PTK2: variants seen among roughly 807,000 people sequenced by gnomAD.
PTK2 encodes focal adhesion kinase 1.
A neutral mutation model predicts 150.1 loss-of-function variants in PTK2; 45 were observed. The ratio of observed to expected loss-of-function variants is 0.30; its 90% CI spans 0.24 to 0.38. The LOEUF (loss-of-function observed/expected upper bound fraction) is 0.38, where lower values mean the gene tolerates loss of function less well. Ranked by LOEUF, PTK2 falls within the 10% of genes least tolerant of loss-of-function variation. The pLI is 1.00. For missense variants in PTK2, 919 were observed against 1,307.3 expected, an observed-to-expected ratio of 0.70 and a Z score of 4.58; for synonymous variants, 432 against 449.2, an observed-to-expected ratio of 0.96 and a Z score of 0.48.
At chr8:140,749,645 T>C (rs1369936183) in intron 17 of PTK2, among the ~76,000 whole-genome samples, 1 of 152,214 alleles carries the variant, frequency 6.6e-6, no homozygotes, top group Non-Finnish European at 1.5e-5. Context: ...GCTGAATACT[T>C]GGGACAGGGG....
chr8:140,872,083 T>G (rs1337630849), intron 4 of PTK2, among the ~76,000 whole-genome samples: 2 of 152,142 alleles, frequency 1.3e-5, no homozygotes, highest in Admixed American at 1.3e-4. Flanking sequence ...GGCGTAAGGA[T>G]GTAGTCCCAG....
chr8:140,794,981 G>A (rs1398886639), intron 12 of PTK2, among the ~76,000 whole-genome samples: 1 of 152,106 alleles, frequency 6.6e-6, no homozygotes, highest in African/African-American at 2.4e-5. Context: ...TGTTCAGGTG[G>A]AACCAGCAGT....
At chr8:140,764,635 T>C (rs2100071352) in intron 14 of PTK2, 1 of 370,274 alleles carries the variant, frequency 2.7e-6, no homozygotes, top group Non-Finnish European at 4.8e-6. Flanking sequence ...CAAATACATG[T>C]TTAAAACTAC....
At chr8:140,740,698 T>C (rs914419456) in intron 20 of PTK2, among the ~76,000 whole-genome samples, 1 of 152,256 alleles carries the variant, frequency 6.6e-6, no homozygotes, top group Non-Finnish European at 1.5e-5. Context: ...ATTGGAATTC[T>C]AGGACTTGGG....
intron 16 of PTK2, among the ~76,000 whole-genome samples, chr8:140,756,995 A>G (rs1036715825): frequency 6.6e-6 from 1 of 152,152 alleles, no homozygotes; most frequent in Non-Finnish European, 1.5e-5. Flanking sequence ...TCTCAAAAAA[A>G]AAAAAAGAAA....
At position 140,832,638 on chromosome 8, in the gene PTK2, T is replaced by G. The variant is rs180989094; in HGVS notation, c.594-2112A>C. ...CATGGCCTGACCTGAGGTTTGCTGGTGGACAGGAGAAGCGGTGAGAAGTGG... is the reference window on the plus strand; with the variant it reads ...CATGGCCTGACCTGAGGTTTGCTGGGGGACAGGAGAAGCGGTGAGAAGTGG... On this transcript the variant is annotated intron_variant, in intron 7 of 31. Transcript: ENST00000522684. Among the ~76,000 whole-genome samples the G allele has an allele frequency of 1.2e-3, 179 of 151,986 alleles. No individual in the cohort carries two copies. In the Middle Eastern group the frequency reaches 0.027, roughly 23 times the overall value.
At chr8:140,697,741 T>C (rs1041617323) in intron 26 of PTK2, among the ~76,000 whole-genome samples, 11 of 152,118 alleles carry the variant, frequency 7.2e-5, no homozygotes. Context: ...ATCATTCATA[T>C]ATATTTCTGT....
intron 10 of PTK2, among the ~76,000 whole-genome samples, chr8:140,815,152 C>T (rs1006082722): frequency 1.3e-5 from 2 of 151,818 alleles, no homozygotes; most frequent in Admixed American, 6.6e-5. Context: ...ATGGAATCAA[C>T]CTAAATGCCC....
At chr8:140,681,103 G>A (rs989212082) in intron 27 of PTK2, among the ~76,000 whole-genome samples, 3 of 152,136 alleles carry the variant, frequency 2.0e-5, no homozygotes, top group Non-Finnish European at 2.9e-5. Flanking sequence ...GGTTGCTCAC[G>A]CCTGTAATCC....
At chr8:140,720,736 G>A (rs1647056340) in intron 22 of PTK2, among the ~76,000 whole-genome samples, 1 of 152,090 alleles carries the variant, frequency 6.6e-6, no homozygotes, top group African/African-American at 2.4e-5. Context: ...CCCACAAAGA[G>A]CTCTAAGTCT....
chr8:140,676,020 A>G (rs188681344), intron 27 of PTK2, among the ~76,000 whole-genome samples: 196 of 152,336 alleles, frequency 1.3e-3, no homozygotes, highest in African/African-American at 4.4e-3. Flanking sequence ...GTGTCCATCA[A>G]TGAATGTCTG....
chr8:140,924,697 T>C (rs754932438), intron 2 of PTK2, among the ~76,000 whole-genome samples: 2 of 152,274 alleles, frequency 1.3e-5, no homozygotes, highest in African/African-American at 4.8e-5. Context: ...GAACTAAACA[T>C]TATGAAAACT....
rs1555509839 is a variant in PTK2, at chr8:140,992,293, G to GGA, written c.-122+8831_-122+8832insTC. Among the ~76,000 whole-genome samples, 471 of 120,598 alleles carry GGA rather than the reference G, an allele frequency of 3.9e-3. 9 individuals carry two copies. Among genetic ancestry groups the GGA allele is most frequent in the African/African-American group, 9.3e-3 (307 of 32,994 alleles). 79.1% of individuals were successfully genotyped at this position (120,598 alleles called of 152,430 possible). The stretch of plus-strand genomic sequence containing the variant: ...GGCAACAGAGTGAGACTTCATCTCG[G>GGA]AAAAAAAAAAAAAAAAAAATACAAA... On this transcript the variant is annotated intron_variant, in intron 1 of 31. Coordinates refer to ENST00000522684, the Ensembl canonical transcript of PTK2.
chr8:140,836,794 A>G (rs2100118926), intron 7 of PTK2, among the ~76,000 whole-genome samples: 2 of 152,220 alleles, frequency 1.3e-5, no homozygotes, highest in South Asian at 2.1e-4. Flanking sequence ...CATTCTCCAT[A>G]GTGAAGAGAA....
At chr8:140,763,841 G>A (rs2100070722) in intron 15 of PTK2, among the ~76,000 whole-genome samples, 1 of 151,990 alleles carries the variant, frequency 6.6e-6, no homozygotes, top group African/African-American at 2.4e-5. Flanking sequence ...ATGGGTATAC[G>A]TGTGTGTATG....
At chr8:140,731,477 T>TAGGA (rs1480376586) in intron 22 of PTK2, among the ~76,000 whole-genome samples, 1 of 152,142 alleles carries the variant, frequency 6.6e-6, no homozygotes, top group Non-Finnish European at 1.5e-5. Flanking sequence ...AAACAGGATG[T>TAGGA]AGGAAGGACA....
intron 23 of PTK2, among the ~76,000 whole-genome samples, chr8:140,714,029 C>G (rs537618311): frequency 1.8e-4 from 27 of 152,054 alleles, no homozygotes; most frequent in Non-Finnish European, 3.4e-4. Context: ...GCTAGGACCA[C>G]AGGCACACGC....
At chr8:140,772,071 A>G (rs140507515) in intron 14 of PTK2, among the ~76,000 whole-genome samples, 4,054 of 152,080 alleles carry the variant, frequency 0.027, 188 homozygotes, top group African/African-American at 0.094. Flanking sequence ...TTACAGGCAT[A>G]AGCCACCGCG....
chr8:140,733,849 A>G (rs2100051018), intron 22 of PTK2, among the ~76,000 whole-genome samples: 2 of 152,176 alleles, frequency 1.3e-5, no homozygotes, highest in Admixed American at 1.3e-4. Context: ...ACGGAGACCA[A>G]GAGCGTGGCT....
Sources: allele counts gnomAD v4.1 joint callset (sites outside exome capture counted in the v4.1 genomes callset), GRCh38; gene constraint gnomAD v4.1.1; transcripts MANE v1.5; gene names NCBI Gene and HGNC (gene_info 2026-07-23, HGNC 2026-07-21).